IGSF21: variants seen among roughly 807,000 people sequenced by gnomAD.
The protein encoded by IGSF21 is immunoglobin superfamily member 21.
IGSF21 carries 28 observed loss-of-function variants against 46.8 expected under a neutral mutation model. That is an observed-to-expected ratio of 0.60 (90% CI 0.44 to 0.82). IGSF21 has a LOEUF of 0.82. Ranked by LOEUF, IGSF21 falls within the 40% of genes least tolerant of loss-of-function variation. The pLI is 0.00. For missense variants in IGSF21, 624 were observed against 665.5 expected (o/e 0.94, Z 0.69); for synonymous variants, 284 against 273.6 (o/e 1.04, Z -0.38).
intron 1 of IGSF21, chr1:18,114,563 T>G (rs1345026488): frequency 6.6e-6 from 1 of 152,230 alleles, no homozygotes; most frequent in Non-Finnish European, 1.5e-5. Context: ...GGAACTACAT[T>G]CTTTCTTTCT....
At chr1:18,187,978 C>T (rs2124473972) in intron 1 of IGSF21, among the ~76,000 whole-genome samples, 2 of 152,246 alleles carry the variant, frequency 1.3e-5, no homozygotes, top group Middle Eastern at 3.4e-3. Context: ...TATAGTCCTG[C>T]TTGAACATTG....
chr1:18,278,384 C>T (rs192989873), intron 2 of IGSF21, among the ~76,000 whole-genome samples: 4 of 151,884 alleles, frequency 2.6e-5, no homozygotes, highest in Non-Finnish European at 4.4e-5. Flanking sequence ...GGATTACAGG[C>T]GCCCCCCCAA....
In IGSF21 at chr1:18,262,936, C is replaced by T. The variant is rs187305411; in HGVS notation, c.184-28930C>T. 3.9e-3 allele frequency among the ~76,000 whole-genome samples: 590 copies of T among 152,320 alleles called. 3 individuals carry two copies. Among genetic ancestry groups the T allele is most frequent in the Non-Finnish European group, 6.3e-3 (428 of 68,030 alleles). On this transcript the variant is annotated intron_variant, in intron 2 of 9. Transcript: ENST00000251296. ...ATGCCGTGGGAATGGAATGCATTGG[C>T]CGCTTCCCCTTCCCCACCCCGGGGT...
At chr1:18,164,006 G>A (rs757271456) in intron 1 of IGSF21, among the ~76,000 whole-genome samples, 6 of 152,264 alleles carry the variant, frequency 3.9e-5, no homozygotes, top group Admixed American at 6.5e-5. Flanking sequence ...CACAATGAAC[G>A]TGAAAAGAAG....
intron 1 of IGSF21, among the ~76,000 whole-genome samples, chr1:18,169,804 G>A (rs1215434206): frequency 1.3e-5 from 2 of 152,188 alleles, no homozygotes; most frequent in African/African-American, 4.8e-5. Flanking sequence ...GGTCCACAGT[G>A]TGGTACTTGG....
chr1:18,198,879 A>G (rs2087037132), intron 1 of IGSF21, among the ~76,000 whole-genome samples: 1 of 152,180 alleles, frequency 6.6e-6, no homozygotes, highest in Non-Finnish European at 1.5e-5. Context: ...TTCGAATAAA[A>G]GGACAATAGG....
intron 3 of IGSF21, among the ~76,000 whole-genome samples, chr1:18,328,663 A>G (rs1441533903): frequency 2.0e-5 from 3 of 152,344 alleles, no homozygotes; most frequent in East Asian, 3.9e-4. Context: ...CCCTGTTGTA[A>G]GTGCACTGGT....
At chr1:18,197,524 A>C (rs374416419) in intron 1 of IGSF21, among the ~76,000 whole-genome samples, 1 of 152,208 alleles carries the variant, frequency 6.6e-6, no homozygotes, top group African/African-American at 2.4e-5. Context: ...TAATAACTGC[A>C]TTTGTCTGGT....
At chr1:18,210,614 A>G in intron 1 of IGSF21, among the ~76,000 whole-genome samples, 1 of 151,928 alleles carries the variant, frequency 6.6e-6, no homozygotes, top group East Asian at 1.9e-4. Flanking sequence ...TTGTTTTCTT[A>G]CCTTTATTGC....
intron 4 of IGSF21, among the ~76,000 whole-genome samples, chr1:18,343,559 G>C (rs1464504053): frequency 6.6e-6 from 1 of 152,160 alleles, no homozygotes; most frequent in Non-Finnish European, 1.5e-5. Context: ...TCTCTTCTAG[G>C]AGTTTGTATA....
chr1:18,110,269 C>G (rs1353045289), intron 1 of IGSF21: 4 of 152,298 alleles, frequency 2.6e-5, no homozygotes, highest in African/African-American at 7.2e-5. Flanking sequence ...CAGCCGGGAG[C>G]CCTCTCTTCT....
intron 1 of IGSF21, 47 bp from the exon 2 acceptor site, chr1:18,227,851 T>C (rs61762155): frequency 0.26 from 375,281 of 1,426,158 alleles, 51,687 homozygotes; most frequent in Non-Finnish European, 0.28. Context: ...GCCCAGCCCC[T>C]CTGATCTGCT....
intron 1 of IGSF21, among the ~76,000 whole-genome samples, chr1:18,118,859 G>A (rs1252528821): frequency 6.6e-6 from 1 of 152,078 alleles, no homozygotes; most frequent in Non-Finnish European, 1.5e-5. Flanking sequence ...GTTTCAGGAA[G>A]CAATATAGTC....
At chr1:18,130,758 T>C (rs2086313438) in intron 1 of IGSF21, among the ~76,000 whole-genome samples, 2 of 152,212 alleles carry the variant, frequency 1.3e-5, no homozygotes, top group Admixed American at 1.3e-4. Context: ...AAAAAAATGT[T>C]ACCTGAGAAA....
At chr1:18,376,772 C>T in intron 7 of IGSF21, 28 bp from the exon 8 acceptor site, 2 of 1,556,208 alleles carry the variant, frequency 1.3e-6, no homozygotes, top group Non-Finnish European at 1.7e-6. Flanking sequence ...CCTCCTGTGA[C>T]CCACCTCTCC....
intron 1 of IGSF21, among the ~76,000 whole-genome samples, chr1:18,161,073 G>A (rs1177940537): frequency 6.6e-6 from 1 of 152,138 alleles, no homozygotes; most frequent in South Asian, 2.1e-4. Context: ...GCCAGAGTTT[G>A]GCCTCCTTGG....
At chr1:18,324,331 C>T (rs1381247076) in intron 3 of IGSF21, among the ~76,000 whole-genome samples, 12 of 152,240 alleles carry the variant, frequency 7.9e-5, no homozygotes, top group Admixed American at 3.9e-4. Flanking sequence ...ATTAAGACTT[C>T]TGGCTCACAG....
chr1:18,363,245 T>C (rs1164929192), intron 5 of IGSF21, among the ~76,000 whole-genome samples: 1 of 152,154 alleles, frequency 6.6e-6, no homozygotes, highest in African/African-American at 2.4e-5. Flanking sequence ...TAGCAAGGTG[T>C]GGAGCTAGAG....
chr1:18,330,798 A>T (rs181158755), intron 3 of IGSF21, among the ~76,000 whole-genome samples: 18 of 152,304 alleles, frequency 1.2e-4, no homozygotes, highest in Non-Finnish European at 2.2e-4. Context: ...AGAGCAGCTT[A>T]AGGTTCACAG....
Sources: allele counts gnomAD v4.1 joint callset (sites outside exome capture counted in the v4.1 genomes callset), GRCh38; gene constraint gnomAD v4.1.1; transcripts MANE v1.5; gene names NCBI Gene and HGNC (gene_info 2026-07-23, HGNC 2026-07-21).